Variants in MAML3 observed in about 807,000 individuals in gnomAD.
MAML3 encodes mastermind-like protein 3.
In MAML3, 27 loss-of-function variants were observed where a neutral mutation model predicts 101.9. That is an observed-to-expected ratio of 0.27 (90% CI 0.20 to 0.37). The LOEUF is 0.37. Among genes scored for constraint, MAML3 ranks in the 10% least tolerant of loss-of-function variants. MAML3 has a pLI of 1.00. For missense variants in MAML3, 1,316 were observed against 1,444.9 expected, an observed-to-expected ratio of 0.91 and a Z score of 1.45; for synonymous variants, 501 against 555.9, an observed-to-expected ratio of 0.90 and a Z score of 1.39.
Position 139,981,078 on chromosome 4 carries a change from G to A in MAML3, c.469-90111C>T, listed in dbSNP as rs569678812. Among the ~76,000 whole-genome samples, 59 of 152,236 alleles carry A rather than the reference G, an allele frequency of 3.9e-4. No individual in the cohort carries two copies. The Middle Eastern group carries it at 0.017, about 44-fold the overall frequency. ...CACAACAAAATACCACAGACTGGGC[G>A]GCTTAGACAACAGGCATTTATTTTC... On this transcript the variant is annotated intron_variant, in intron 1 of 4. Coordinates refer to ENST00000509479, the MANE Select transcript of MAML3 (RefSeq NM_018717.5).
At chr4:139,809,865 T>TACAC (rs71584333) in intron 2 of MAML3, among the ~76,000 whole-genome samples, 4,370 of 142,986 alleles carry the variant, frequency 0.031, 81 homozygotes, top group African/African-American at 0.048. Flanking sequence ...TACCTGCACG[T>TACAC]ACACACACAC....
chr4:139,833,755 G>A (rs915524051), intron 2 of MAML3, among the ~76,000 whole-genome samples: 1 of 152,142 alleles, frequency 6.6e-6, no homozygotes, highest in Non-Finnish European at 1.5e-5. Flanking sequence ...GTTGTGGCTT[G>A]GGGATAGACC....
rs1291853605 is a variant in MAML3, at chr4:139,746,444, A to T, written c.2080-15777T>A. Reference sequence around the variant, plus strand: ...AAAAATGAAAAATCTTCCCTTTAAAAATTTTCCTACCCCTTATCAAGACAA... The same window carrying T: ...AAAAATGAAAAATCTTCCCTTTAAATATTTTCCTACCCCTTATCAAGACAA... On this transcript the variant is annotated intron_variant, in intron 2 of 4. Transcript: ENST00000509479. Among the ~76,000 whole-genome samples, 3 of 145,276 alleles carry T rather than the reference A, an allele frequency of 2.1e-5. No individual in the cohort carries two copies. The East Asian group carries it at 5.8e-4, about 28-fold the overall frequency.
At chr4:140,053,597 T>C (rs757881979) in intron 1 of MAML3, among the ~76,000 whole-genome samples, 7 of 152,192 alleles carry the variant, frequency 4.6e-5, no homozygotes, top group Non-Finnish European at 7.3e-5. Context: ...CATACATGCA[T>C]GCACATATTT....
intron 1 of MAML3, among the ~76,000 whole-genome samples, chr4:140,123,832 A>C (rs186815145): frequency 3.9e-5 from 6 of 152,356 alleles, no homozygotes; most frequent in Admixed American, 3.9e-4. Context: ...GAACTCATTC[A>C]TAATAAAAAG....
chr4:139,955,871 T>G (rs772697718), intron 1 of MAML3, among the ~76,000 whole-genome samples: 4 of 152,182 alleles, frequency 2.6e-5, no homozygotes, highest in Non-Finnish European at 5.9e-5. Context: ...CATAACATAG[T>G]GGAGCTTCTG....
intron 2 of MAML3, among the ~76,000 whole-genome samples, chr4:139,779,836 C>T (rs913969789): frequency 6.6e-5 from 10 of 152,146 alleles, no homozygotes; most frequent in Admixed American, 2.0e-4. Context: ...CTTTCTCCAC[C>T]CTGCAATCAG....
intron 1 of MAML3, among the ~76,000 whole-genome samples, chr4:140,056,402 G>A (rs1727349761): frequency 6.6e-6 from 1 of 150,510 alleles, no homozygotes; most frequent in African/African-American, 2.4e-5. Context: ...TTGTCGCCCA[G>A]GCTGGAGTGC....
chr4:139,980,765 T>A (rs1734430092), intron 1 of MAML3, among the ~76,000 whole-genome samples: 1 of 152,172 alleles, frequency 6.6e-6, no homozygotes, highest in South Asian at 2.1e-4. Context: ...CTCAAGGAGC[T>A]CGTATTCTGC....
At chr4:139,794,064 T>A (rs958453844) in intron 2 of MAML3, 2 of 152,240 alleles carry the variant, frequency 1.3e-5, no homozygotes, top group Non-Finnish European at 2.9e-5. Flanking sequence ...CCTGGCCTTG[T>A]TATGATCTTT....
chr4:140,131,389 CA>C (rs1170882607), intron 1 of MAML3, among the ~76,000 whole-genome samples: 3 of 152,160 alleles, frequency 2.0e-5, no homozygotes, highest in Non-Finnish European at 2.9e-5. Flanking sequence ...GAGCTCTGCA[CA>C]AGAGGCGGGC....
rs184051705 is a variant in MAML3, at chr4:139,981,888, C to T, written c.469-90921G>A. ...AGATAAAGTGCCATTCTCATCACGT[C>T]ATATCAAGAATGCATGATATCGACA... On this transcript the variant is annotated intron_variant, in intron 1 of 4. Transcript: ENST00000509479. Among the ~76,000 whole-genome samples the T allele has an allele frequency of 5.7e-4, 87 of 152,340 alleles. 1 individual carries two copies. Among genetic ancestry groups the T allele is most frequent in the African/African-American group, 2.1e-3 (86 of 41,578 alleles).
Position 140,153,805 on chromosome 4 carries a change from ACTCAC to A in MAML3, c.-483_-479del. 1 of 140,580 alleles carries A rather than the reference ACTCAC, an allele frequency of 7.1e-6. No homozygotes were observed. Among genetic ancestry groups the A allele is most frequent in the Non-Finnish European group, 1.6e-5 (1 of 63,410 alleles). The allele number at this position is 140,580 out of a possible 1,614,324, so 8.7% of individuals were successfully genotyped here. A position where few individuals can be genotyped will look rare whatever the true frequency, so the allele number is the denominator to read the frequency against. On this transcript the variant is annotated 5_prime_UTR_variant, in exon 1 of 5. It adds an upstream start codon to the 5' untranslated region. Coordinates refer to ENST00000509479, the MANE Select transcript of MAML3 (RefSeq NM_018717.5). ...TCCAGTGCGGACACGCGCGACACAC[ACTCAC>A]TCCACACCGCATCGGAAAACGGCAA...
intron 2 of MAML3, among the ~76,000 whole-genome samples, chr4:139,792,606 G>A (rs1034309120): frequency 7.9e-5 from 12 of 152,088 alleles, no homozygotes; most frequent in African/African-American, 2.9e-4. Context: ...CAAAACAAAT[G>A]GAATGTACAA....
At chr4:139,773,535 A>G (rs1730036592) in intron 2 of MAML3, among the ~76,000 whole-genome samples, 2 of 152,294 alleles carry the variant, frequency 1.3e-5, no homozygotes, top group South Asian at 4.1e-4. Flanking sequence ...GATCTTTGCT[A>G]CTACAGAAAA....
chr4:139,831,177 G>A (rs1182848076), intron 2 of MAML3, among the ~76,000 whole-genome samples: 1 of 152,116 alleles, frequency 6.6e-6, no homozygotes, highest in East Asian at 1.9e-4. Flanking sequence ...ATTACTTGTT[G>A]CTAAACCAGT....
intron 1 of MAML3, among the ~76,000 whole-genome samples, chr4:140,011,206 T>C (rs1488797176): frequency 8.0e-6 from 1 of 124,568 alleles, no homozygotes; most frequent in Non-Finnish European, 1.7e-5. Context: ...CTGACAAATA[T>C]ATATTTTGTT....
At chr4:140,073,653 G>A (rs1727703051) in intron 1 of MAML3, among the ~76,000 whole-genome samples, 1 of 152,172 alleles carries the variant, frequency 6.6e-6, no homozygotes, top group African/African-American at 2.4e-5. Context: ...GGGGGTGTAT[G>A]TGAGTCAAGC....
chr4:140,121,551 C>T (rs1375353219), intron 1 of MAML3, among the ~76,000 whole-genome samples: 3 of 152,278 alleles, frequency 2.0e-5, no homozygotes, highest in African/African-American at 4.8e-5. Context: ...TATATACTAG[C>T]CACTGATTTA....
Sources: allele counts gnomAD v4.1 joint callset (sites outside exome capture counted in the v4.1 genomes callset), GRCh38; gene constraint gnomAD v4.1.1; transcripts MANE v1.5; gene names NCBI Gene and HGNC (gene_info 2026-07-23, HGNC 2026-07-21).